SRGAP2: variants seen among roughly 807,000 people sequenced by gnomAD.
SRGAP2 encodes the protein SLIT-ROBO Rho GTPase-activating protein 2.
Under a neutral mutation model 57.2 loss-of-function variants are expected in SRGAP2, and 15 were observed. The observed-to-expected ratio is 0.26, with a 90% CI of 0.18 to 0.40. The LOEUF (loss-of-function observed/expected upper bound fraction) is 0.40. Among genes scored for constraint, SRGAP2 ranks in the 10% least tolerant of loss-of-function variants. The probability of loss-of-function intolerance (pLI) is 1.00; values close to 1 mark genes in which losing one functional copy is unlikely to be tolerated. For missense variants in SRGAP2, 520 were observed against 669.6 expected, an observed-to-expected ratio of 0.78 and a Z score of 2.47; for synonymous variants, 249 against 248.0, an observed-to-expected ratio of 1.00 and a Z score of -0.04.
chr1:206,438,163 T>A, intron 16 of SRGAP2, 65 bp downstream of exon 16: 1 of 756,804 alleles, frequency 1.3e-6, no homozygotes, highest in Non-Finnish European at 2.5e-6. Context: ...AGAGAAAAAG[T>A]TTCCACAGGG....
chr1:206,259,714 C>A (rs1293619629), intron 2 of SRGAP2, among the ~76,000 whole-genome samples: 1 of 151,814 alleles, frequency 6.6e-6, no homozygotes, highest in Non-Finnish European at 1.5e-5. Flanking sequence ...CTCTCTGACA[C>A]AAGGGTTAGG....
At chr1:206,419,331 TCTC>T in intron 11 of SRGAP2, 39 bp from the exon 12 acceptor site, 1 of 780,376 alleles carries the variant, frequency 1.3e-6, no homozygotes. Context: ...CTTCACCTCT[TCTC>T]CTTTAACATA....
chr1:206,276,615 G>T (rs1218455519), intron 2 of SRGAP2, among the ~76,000 whole-genome samples: 1 of 151,794 alleles, frequency 6.6e-6, no homozygotes, highest in African/African-American at 2.4e-5. Flanking sequence ...AGATTAACCC[G>T]TTCCTCTATA....
At chr1:206,333,487 G>A (rs1369123905) in intron 3 of SRGAP2, 7 of 1,497,322 alleles carry the variant, frequency 4.7e-6, no homozygotes, top group Admixed American at 1.7e-5. Flanking sequence ...AAGGTCTCTG[G>A]TGCGGGCGGC....
Position 206,454,283 on chromosome 1 carries a change from C to T in SRGAP2, c.2361-595C>T. On this transcript the variant is annotated intron_variant, in intron 20 of 22. Transcript: ENST00000573034. The surrounding 1 kb of genome is among the most constrained non-coding windows in gnomAD (Gnocchi z 4.3). ...GACCCTCCCAAATTTAGCATTATGA[C>T]TTCACCACAGGATCAAGAGAAGATG... is the stretch of plus-strand genomic sequence containing the variant. 1.5e-6 allele frequency: 1 copy of T among 683,440 alleles called. No individual in the cohort carries two copies. Among genetic ancestry groups the T allele is most frequent in the South Asian group, 1.5e-5 (1 of 64,532 alleles). 42.3% of individuals were successfully genotyped at this position (683,440 alleles called of 1,614,324 possible). A position where few individuals can be genotyped will look rare whatever the true frequency, so the allele number is the denominator to read the frequency against.
intron 2 of SRGAP2, among the ~76,000 whole-genome samples, chr1:206,263,305 C>T (rs1175018738): frequency 8.2e-5 from 12 of 146,384 alleles, no homozygotes; most frequent in African/African-American, 2.3e-4. Context: ...GCTTCCAGTG[C>T]TTACTCACAT....
intron 1 of SRGAP2, chr1:206,204,123 C>CT (rs1207867023): frequency 1.9e-6 from 1 of 527,326 alleles, no homozygotes; most frequent in African/African-American, 2.4e-5. Context: ...GTCCCACCCC[C>CT]CGGCCCGCCC....
intron 4 of SRGAP2, among the ~76,000 whole-genome samples, chr1:206,364,817 T>C (rs1414336033): frequency 6.6e-6 from 1 of 152,128 alleles, no homozygotes; most frequent in African/African-American, 2.4e-5. Context: ...CCATTAGCCC[T>C]TTCCCGAAAC....
At chr1:206,341,269 A>T (rs1675167290) in intron 3 of SRGAP2, among the ~76,000 whole-genome samples, 1 of 152,196 alleles carries the variant, frequency 6.6e-6, no homozygotes, top group Non-Finnish European at 1.5e-5. Context: ...CTCTCAACTC[A>T]CTTTCTTTGT....
chr1:206,460,843 C>T (rs996925611), intron 22 of SRGAP2, among the ~76,000 whole-genome samples, 194 bp from the exon 23 acceptor site: 1 of 151,746 alleles, frequency 6.6e-6, no homozygotes, highest in Admixed American at 6.6e-5. Context: ...AAAAAAATCT[C>T]ATGACAGTGA....
At chr1:206,272,834 C>T (rs1245022211) in intron 2 of SRGAP2, among the ~76,000 whole-genome samples, 2 of 152,226 alleles carry the variant, frequency 1.3e-5, no homozygotes, top group African/African-American at 4.8e-5. Context: ...TCTCTTTCCA[C>T]CTCCCATCCC....
chr1:206,462,753 A>G lies in SRGAP2; in HGVS notation c.*1333A>G, dbSNP rs1023819551. 14 of 152,250 alleles carry G rather than the reference A, an allele frequency of 9.2e-5. No individual in the cohort carries two copies. 9.4% of individuals were successfully genotyped at this position (152,250 alleles called of 1,614,324 possible). The stretch of plus-strand genomic sequence containing the variant: ...GAAAATTAAAATTTGAATGCTGAAT[A>G]TTCTGGCTCTACTCTGGCCTTTTTT... On this transcript the variant is annotated 3_prime_UTR_variant, in exon 23 of 23. Coordinates refer to ENST00000573034, the MANE Select transcript of SRGAP2 (RefSeq NM_015326.5).
chr1:206,443,084 A>T (rs1662453103), intron 17 of SRGAP2, among the ~76,000 whole-genome samples: 1 of 152,204 alleles, frequency 6.6e-6, no homozygotes, highest in African/African-American at 2.4e-5. Context: ...AAAAATCCAG[A>T]AAAGTGCATG....
In SRGAP2 at chr1:206,415,834, T is replaced by C. The variant is rs1218161030; in HGVS notation, c.1357-55T>C. ...AATTGTCCAGCTGAGCATCTGTGAT[T>C]TTTTTCTTCTTCTTCAGGAGTCTGA... On this transcript the variant is annotated intron_variant, in intron 10 of 22. Coordinates refer to ENST00000573034, the MANE Select transcript of SRGAP2 (RefSeq NM_015326.5). The C allele has an allele frequency of 2.7e-5, 20 of 738,168 alleles. No homozygotes were observed. In the East Asian group the frequency reaches 5.1e-4, roughly 19 times the overall value. The allele number at this position is 738,168 out of a possible 1,614,324, so 45.7% of individuals were successfully genotyped here.
chr1:206,334,937 C>CA (rs1450222716), intron 3 of SRGAP2, among the ~76,000 whole-genome samples: 41 of 150,836 alleles, frequency 2.7e-4, no homozygotes, highest in Non-Finnish European at 1.9e-4. Context: ...AAGAAAAAAT[C>CA]AAAGATATAA....
chr1:206,448,432 A>C (rs1237042961), intron 18 of SRGAP2, among the ~76,000 whole-genome samples: 2 of 152,016 alleles, frequency 1.3e-5, no homozygotes, highest in Non-Finnish European at 2.9e-5. Context: ...AAGGCTGGGG[A>C]TGGAGTGTGT....
intron 3 of SRGAP2, among the ~76,000 whole-genome samples, chr1:206,309,848 A>G (rs1466704526): frequency 6.6e-6 from 1 of 151,134 alleles, no homozygotes; most frequent in African/African-American, 2.5e-5. Flanking sequence ...GAAGAGAAAG[A>G]GGAGAACAAA....
chr1:206,459,170 C>T (rs1233882574), intron 22 of SRGAP2, among the ~76,000 whole-genome samples: 1 of 152,194 alleles, frequency 6.6e-6, no homozygotes. Flanking sequence ...TAAAAGAAGC[C>T]TAGCTTCTTG....
chr1:206,277,958 G>A lies in SRGAP2; in HGVS notation c.68-25323G>A, dbSNP rs1238158261. Reference sequence around the variant, plus strand: ...CATGCCACTGCACTCCAGCCTGGGTGACAGAGTGAGACTGTCTCAAAAAAA... The same window carrying A: ...CATGCCACTGCACTCCAGCCTGGGTAACAGAGTGAGACTGTCTCAAAAAAA... On this transcript the variant is annotated intron_variant, in intron 2 of 22. Coordinates refer to ENST00000573034, the MANE Select transcript of SRGAP2 (RefSeq NM_015326.5). Among the ~76,000 whole-genome samples, 4 of 150,322 alleles carry A rather than the reference G, an allele frequency of 2.7e-5. No homozygotes were observed. The East Asian group carries it at 7.8e-4, about 29-fold the overall frequency.
Sources: gnomAD v4.1 joint callset for allele counts (sites outside exome capture counted in the v4.1 genomes callset) on GRCh38, gnomAD v4.1.1 for gene constraint, Gnocchi (gnomAD v3.1) non-coding constraint, MANE v1.5 for transcripts, NCBI Gene and HGNC (gene_info 2026-07-23, HGNC 2026-07-21) for gene names.